The following GRID2 variants were observed in gnomAD, a reference collection of about 807,000 sequenced individuals.
The protein encoded by GRID2 is glutamate ionotropic receptor delta type subunit 2, also known as glutamate receptor ionotropic, delta-2.
A neutral mutation model predicts 114.8 loss-of-function variants in GRID2; 33 were observed. That is an observed-to-expected ratio of 0.29 (90% CI 0.22 to 0.38). The LOEUF is 0.38. GRID2 is among the 10% of genes least tolerant of loss of function. The pLI is 1.00. For synonymous variants in GRID2, 505 were observed against 449.9 expected, an observed-to-expected ratio of 1.12 and a Z score of -1.55; for missense variants, 1,184 against 1,257.7, an observed-to-expected ratio of 0.94 and a Z score of 0.89.
intron 1 of GRID2, among the ~76,000 whole-genome samples, chr4:92,513,977 C>T (rs899026388): frequency 6.6e-6 from 1 of 151,770 alleles, no homozygotes; most frequent in Non-Finnish European, 1.5e-5. Context: ...ATATCAAGGA[C>T]CTAAGCTGTA....
intron 2 of GRID2, among the ~76,000 whole-genome samples, chr4:92,704,489 A>G (rs1040833076): frequency 2.6e-5 from 4 of 152,194 alleles, no homozygotes; most frequent in East Asian, 1.9e-4. Context: ...AGGGAACCAC[A>G]TATCTCCATT....
intron 2 of GRID2, among the ~76,000 whole-genome samples, chr4:92,901,918 T>A (rs1747612409): frequency 6.6e-6 from 1 of 152,048 alleles, no homozygotes; most frequent in Non-Finnish European, 1.5e-5. Context: ...CTGCTCAATT[T>A]TCAAGAACGG....
intron 14 of GRID2, among the ~76,000 whole-genome samples, chr4:93,751,552 A>G (rs4692990): frequency 0.14 from 20,751 of 152,120 alleles, 1,900 homozygotes; most frequent in Admixed American, 0.28. Flanking sequence ...GAGAAGGACA[A>G]TGATTTACTG....
chr4:92,342,586 G>GAA (rs1560576788), intron 1 of GRID2, among the ~76,000 whole-genome samples: 4 of 152,182 alleles, frequency 2.6e-5, no homozygotes, highest in Admixed American at 2.6e-4. Flanking sequence ...ATAGAAAGGT[G>GAA]TTCTTGGAAG....
chr4:93,078,058 C>G (rs1178275681), intron 2 of GRID2, among the ~76,000 whole-genome samples: 1 of 152,162 alleles, frequency 6.6e-6, no homozygotes, highest in Non-Finnish European at 1.5e-5. Flanking sequence ...CCTCTCCCGC[C>G]ATTCTAACCT....
intron 2 of GRID2, among the ~76,000 whole-genome samples, chr4:92,987,076 A>G (rs1754549956): frequency 6.6e-6 from 1 of 152,302 alleles, no homozygotes; most frequent in African/African-American, 2.4e-5. Context: ...TGCAAATATT[A>G]TTGTGTCTAT....
At chr4:93,103,158 G>A (rs557702869) in intron 3 of GRID2, among the ~76,000 whole-genome samples, 3 of 152,164 alleles carry the variant, frequency 2.0e-5, no homozygotes, top group Non-Finnish European at 4.4e-5. Context: ...ACACAGGGGT[G>A]TAAAATTCCT....
At chr4:92,438,394 A>T (rs111307525) in intron 1 of GRID2, among the ~76,000 whole-genome samples, 10 of 139,116 alleles carry the variant, frequency 7.2e-5, no homozygotes, top group Admixed American at 1.5e-4. Flanking sequence ...CTTATCGCAT[A>T]TTTTTTTTTG....
intron 4 of GRID2, among the ~76,000 whole-genome samples, chr4:93,169,982 A>T (rs1157940961): frequency 6.6e-6 from 1 of 152,216 alleles, no homozygotes; most frequent in Non-Finnish European, 1.5e-5. Flanking sequence ...GTTTAACTTG[A>T]AAAGGAAAAC....
intron 2 of GRID2, among the ~76,000 whole-genome samples, chr4:92,979,322 A>G (rs1754047936): frequency 6.6e-6 from 1 of 152,018 alleles, no homozygotes; most frequent in Non-Finnish European, 1.5e-5. Flanking sequence ...AAAATCAAAT[A>G]TGTAGCTCCC....
chr4:93,084,482 A>T (rs1730158133), intron 2 of GRID2, among the ~76,000 whole-genome samples: 1 of 152,206 alleles, frequency 6.6e-6, no homozygotes. Context: ...AGATATCAGA[A>T]TCATTCTGTT....
chr4:93,231,279 C>T (rs1251554132), intron 7 of GRID2, among the ~76,000 whole-genome samples: 1 of 150,694 alleles, frequency 6.6e-6, no homozygotes, highest in African/African-American at 2.4e-5. Flanking sequence ...CAATTTTCAA[C>T]AGGGCACTTC....
intron 4 of GRID2, among the ~76,000 whole-genome samples, chr4:93,140,892 ATC>A (rs1456413877): frequency 6.6e-6 from 1 of 152,190 alleles, no homozygotes; most frequent in Non-Finnish European, 1.5e-5. Context: ...TCTCATTCCT[ATC>A]CTTGAGATGT....
chr4:93,148,799 C>A (rs1049952002), intron 4 of GRID2, among the ~76,000 whole-genome samples: 11 of 152,018 alleles, frequency 7.2e-5, no homozygotes, highest in African/African-American at 2.4e-4. Flanking sequence ...TGTCTAGTGC[C>A]TAGGGCATAT....
intron 2 of GRID2, among the ~76,000 whole-genome samples, chr4:92,802,539 C>A (rs1340309615): frequency 6.6e-6 from 1 of 151,772 alleles, no homozygotes; most frequent in Non-Finnish European, 1.5e-5. Context: ...ATTGTTGCTG[C>A]AAGAGAATCC....
chr4:93,510,910 A>G (rs1729099251), intron 12 of GRID2, among the ~76,000 whole-genome samples: 1 of 152,104 alleles, frequency 6.6e-6, no homozygotes, highest in Non-Finnish European at 1.5e-5. Context: ...ACTATCAAAT[A>G]TTTAAAAAAT....
At chr4:93,191,354 G>A (rs1740965219) in intron 4 of GRID2, among the ~76,000 whole-genome samples, 1 of 152,064 alleles carries the variant, frequency 6.6e-6, no homozygotes, top group Non-Finnish European at 1.5e-5. Flanking sequence ...ATAGCAAGCT[G>A]TCTTCCTCTT....
intron 4 of GRID2, among the ~76,000 whole-genome samples, chr4:93,133,940 A>G (rs941741252): frequency 2.6e-4 from 40 of 152,308 alleles, no homozygotes; most frequent in Admixed American, 1.6e-3. Context: ...GTAGAATTCC[A>G]TTTGCTTCAC....
intron 1 of GRID2, among the ~76,000 whole-genome samples, chr4:92,488,328 A>C (rs1722992167): frequency 6.6e-6 from 1 of 152,178 alleles, no homozygotes; most frequent in Non-Finnish European, 1.5e-5. Context: ...TCACAAGGCA[A>C]ACAAATAAAT....
Sources: allele counts gnomAD v4.1 joint callset (sites outside exome capture counted in the v4.1 genomes callset), GRCh38; gene constraint gnomAD v4.1.1; transcripts MANE v1.5; gene names NCBI Gene and HGNC (gene_info 2026-07-23, HGNC 2026-07-21).